ABHD17B: variants seen among roughly 807,000 people sequenced by gnomAD.
ABHD17B encodes alpha/beta hydrolase domain-containing protein 17B.
In ABHD17B, 9 loss-of-function variants were observed where a neutral mutation model predicts 26.2. The ratio of observed to expected loss-of-function variants is 0.34; its 90% CI spans 0.21 to 0.60. ABHD17B has a LOEUF of 0.60. Among genes scored for constraint, ABHD17B ranks in the 20% least tolerant of loss-of-function variants. The pLI is 0.80. For missense variants in ABHD17B, 224 were observed against 352.1 expected (o/e 0.64, Z 2.91); for synonymous variants, 127 against 122.3 (o/e 1.04, Z -0.25).
rs1825953441 is a variant in ABHD17B, at chr9:71,866,309, C to T, written c.*478G>A. ...CTGTACAACAGGGTTTAGGTTAATTCTAGTGAACTTGCATGGTTTTAAATC... is the reference window on the plus strand; with the variant it reads ...CTGTACAACAGGGTTTAGGTTAATTTTAGTGAACTTGCATGGTTTTAAATC... On this transcript the variant is annotated 3_prime_UTR_variant, in exon 4 of 4. Transcript: ENST00000333421. 1.0e-6 allele frequency: 1 copy of T among 989,634 alleles called. No homozygotes were observed. Among genetic ancestry groups the T allele is most frequent in the African/African-American group, 1.7e-5 (1 of 57,216 alleles). The allele number at this position is 989,634 out of a possible 1,614,324, so 61.3% of individuals were successfully genotyped here. A position where few individuals can be genotyped will look rare whatever the true frequency, so the allele number is the denominator to read the frequency against.
At position 71,866,481 on chromosome 9, in the gene ABHD17B, C is replaced by A; in HGVS notation, c.*306G>T. The A allele has an allele frequency of 1.9e-6, 2 of 1,062,760 alleles. No homozygotes were observed. Among genetic ancestry groups the A allele is most frequent in the South Asian group, 3.8e-5 (1 of 26,090 alleles). 65.8% of individuals were successfully genotyped at this position (1,062,760 alleles called of 1,614,324 possible). The stretch of plus-strand genomic sequence containing the variant: ...TAAATTTGTTTCTAGTATGCAAAAG[C>A]ATTTGGCAATACTTTTACAGCATTT... On this transcript the variant is annotated 3_prime_UTR_variant, in exon 4 of 4. Coordinates refer to ENST00000333421, the MANE Select transcript of ABHD17B (RefSeq NM_001025780.3).
chr9:71,863,417 G>A (rs539222004), downstream of ABHD17B, among the ~76,000 whole-genome samples: 2 of 152,292 alleles, frequency 1.3e-5, no homozygotes, highest in South Asian at 4.1e-4. Flanking sequence ...GTCACTGTTA[G>A]CTGACAAGAG....
Position 71,870,169 on chromosome 9 carries a change from A to G in ABHD17B, c.561T>C (p.Ala187=). Reference sequence around the variant, plus strand: ...AAGTCAGAGGAGAATGAAGAATAACAGCAGCACTCTCATATCGAGCAGCAA... The same window carrying G: ...AAGTCAGAGGAGAATGAAGAATAACGGCAGCACTCTCATATCGAGCAGCAA... ...VDLAARYESA[A]VILHSPLTSG... Residue 187 remains alanine (A), a synonymous_variant, in exon 3 of 4, where the codon GCT becomes GCC. Coordinates refer to ENST00000333421, the MANE Select transcript of ABHD17B (RefSeq NM_001025780.3). The G allele has an allele frequency of 6.2e-7, 1 of 1,614,138 alleles. No individual in the cohort carries two copies. The highest frequency in any genetic ancestry group is 2.2e-5 in the East Asian group (1 of 44,882).
intron 1 of ABHD17B, among the ~76,000 whole-genome samples, chr9:71,892,228 C>T (rs552548318): frequency 1.2e-3 from 188 of 151,710 alleles, no homozygotes; most frequent in African/African-American, 4.3e-3. Flanking sequence ...AAAGTTGTTC[C>T]GGCTACTAAA....
At chr9:71,872,207 T>C (rs1255270587) in intron 2 of ABHD17B, among the ~76,000 whole-genome samples, 6 of 152,256 alleles carry the variant, frequency 3.9e-5, no homozygotes, top group East Asian at 3.9e-4. Context: ...CTAAAGTACC[T>C]ACACTTATGA....
intron 1 of ABHD17B, among the ~76,000 whole-genome samples, chr9:71,885,343 C>T (rs887515035): frequency 6.6e-6 from 1 of 151,528 alleles, no homozygotes; most frequent in Non-Finnish European, 1.5e-5. Context: ...ACCTGTCATC[C>T]CAGCTACTCA....
chr9:71,897,783 A>G (rs1200862182), intron 1 of ABHD17B, among the ~76,000 whole-genome samples: 3 of 152,190 alleles, frequency 2.0e-5, no homozygotes, highest in Non-Finnish European at 4.4e-5. Context: ...GGCTAGCTGC[A>G]TAAACTGTCA....
rs376028645 is a variant in ABHD17B, at chr9:71,866,895, A to T, written c.759T>A (p.Pro253=). Residue 253 remains proline (P), a synonymous_variant, in exon 4 of 4, where the codon CCT becomes CCA. Transcript: ENST00000333421. ...CTCCTTCAACCCAGAGAGGCTCCACAGGTCTTTGGCAACGTTCAAACAATG... is the reference window on the plus strand; with the variant it reads ...CTCCTTCAACCCAGAGAGGCTCCACTGGTCTTTGGCAACGTTCAAACAATG... The part of the protein sequence containing the change: ...GLALFERCQR[P]VEPLWVEGAG... The T allele has an allele frequency of 6.2e-7, 1 of 1,614,200 alleles. No individual in the cohort carries two copies. Among genetic ancestry groups the T allele is most frequent in the Non-Finnish European group, 8.5e-7 (1 of 1,180,034 alleles).
In ABHD17B at chr9:71,873,754, C is replaced by T. The variant is rs183794989; in HGVS notation, c.467+860G>A. ...TTCACCATGTTGGCCAGACTGGTCT[C>T]GAACTCCTGACCTTGTGATTCGCCT... On this transcript the variant is annotated intron_variant, in intron 2 of 3. Coordinates refer to ENST00000333421, the MANE Select transcript of ABHD17B (RefSeq NM_001025780.3). 4.8e-3 allele frequency among the ~76,000 whole-genome samples: 728 copies of T among 152,090 alleles called. 7 individuals carry two copies. The highest frequency in any genetic ancestry group is 0.02 in the Middle Eastern group (6 of 294).
chr9:71,887,868 C>T (rs1005792223), intron 1 of ABHD17B, among the ~76,000 whole-genome samples: 40 of 152,284 alleles, frequency 2.6e-4, no homozygotes, highest in African/African-American at 4.6e-4. Context: ...CTTTATGACA[C>T]AGACTTATTT....
chr9:71,901,957 C>A (rs1277850531), intron 1 of ABHD17B, among the ~76,000 whole-genome samples: 6 of 152,180 alleles, frequency 3.9e-5, no homozygotes, highest in Non-Finnish European at 7.3e-5. Flanking sequence ...ATACATGATT[C>A]CCCCTACCCT....
At chr9:71,864,127 A>G (rs1213639756), downstream of ABHD17B, among the ~76,000 whole-genome samples, 1 of 135,350 alleles carries the variant, frequency 7.4e-6, no homozygotes, top group Non-Finnish European at 1.6e-5. Flanking sequence ...TCAATGGCCT[A>G]TTTGTTTCTA....
downstream of ABHD17B, among the ~76,000 whole-genome samples, chr9:71,863,420 G>A (rs1825876887): frequency 6.6e-6 from 1 of 152,172 alleles, no homozygotes; most frequent in African/African-American, 2.4e-5. Context: ...ACTGTTAGCT[G>A]ACAAGAGGCC....
intron 1 of ABHD17B, among the ~76,000 whole-genome samples, chr9:71,897,464 C>T (rs896353468): frequency 1.3e-5 from 2 of 152,176 alleles, no homozygotes; most frequent in African/African-American, 2.4e-5. Context: ...TACAGTGAGC[C>T]ATGATCGTGC....
At chr9:71,868,011 A>T (rs1410767709) in intron 3 of ABHD17B, among the ~76,000 whole-genome samples, 2 of 148,934 alleles carry the variant, frequency 1.3e-5, no homozygotes, top group Middle Eastern at 3.4e-3. Flanking sequence ...GTTCGAGACC[A>T]GCCTGATCAA....
At chr9:71,875,546 A>C (rs562216184) in intron 1 of ABHD17B, among the ~76,000 whole-genome samples, 1 of 152,254 alleles carries the variant, frequency 6.6e-6, no homozygotes, top group African/African-American at 2.4e-5. Flanking sequence ...TTCTAGAAGT[A>C]CTTTAAATCC....
chr9:71,888,522 T>C (rs142025840), intron 1 of ABHD17B, among the ~76,000 whole-genome samples: 5 of 152,276 alleles, frequency 3.3e-5, no homozygotes, highest in African/African-American at 9.6e-5. Context: ...TTTCATACCA[T>C]AGAACACCCA....
chr9:71,876,755 T>C (rs1284586649), intron 1 of ABHD17B, among the ~76,000 whole-genome samples: 1 of 152,102 alleles, frequency 6.6e-6, no homozygotes, highest in Non-Finnish European at 1.5e-5. Flanking sequence ...CAGAATCAAA[T>C]ATATCCTATA....
At chr9:71,877,615 A>C (rs1010750576) in intron 1 of ABHD17B, among the ~76,000 whole-genome samples, 4 of 152,138 alleles carry the variant, frequency 2.6e-5, no homozygotes, top group African/African-American at 9.7e-5. Flanking sequence ...ATGGGGTTTC[A>C]TGATGTTGGC....
Sources: gnomAD v4.1 joint callset for allele counts (sites outside exome capture counted in the v4.1 genomes callset) on GRCh38, gnomAD v4.1.1 for gene constraint, MANE v1.5 for transcripts, NCBI Gene and HGNC (gene_info 2026-07-23, HGNC 2026-07-21) for gene names.